The following FBXL18 variants were observed in gnomAD, a reference collection of about 807,000 sequenced individuals.
FBXL18 encodes the protein F-box and leucine rich repeat protein 18.
In FBXL18, 36 loss-of-function variants were observed where a neutral mutation model predicts 46.0. That is an observed-to-expected ratio of 0.78 (90% CI 0.60 to 1.03). FBXL18 has a LOEUF of 1.03. FBXL18 is among the 50% of genes least tolerant of loss of function. FBXL18 has a pLI of 0.00. For synonymous variants in FBXL18, 557 were observed against 465.3 expected, an observed-to-expected ratio of 1.20 and a Z score of -2.54; for missense variants, 977 against 1,004.1, an observed-to-expected ratio of 0.97 and a Z score of 0.36.
At position 5,501,705 on chromosome 7, in the gene FBXL18, C is replaced by T. The variant is rs1404291255; in HGVS notation, c.564G>A (p.Val188=). ...QTLFTPSYGV[V]PCCTSLEKLL... ...GCTTCTCTAGGCTGGTGCAGCAGGG[C>T]ACCACGCCGTAGGAGGGAGTGAACA... Residue 188 remains valine (V), a synonymous_variant, in exon 3 of 5, where the codon GTG becomes GTA. Coordinates refer to ENST00000382368, the MANE Select transcript of FBXL18 (RefSeq NM_024963.6). The T allele has an allele frequency of 8.1e-6, 13 of 1,595,154 alleles. No individual in the cohort carries two copies. Among genetic ancestry groups the T allele is most frequent in the Non-Finnish European group, 1.1e-5 (13 of 1,170,586 alleles).
chr7:5,495,523 C>T (rs1584224985), intron 3 of FBXL18, among the ~76,000 whole-genome samples: 1 of 152,184 alleles, frequency 6.6e-6, no homozygotes, highest in Non-Finnish European at 1.5e-5. Context: ...CCAGCCAGAG[C>T]GACTCCTTCC....
At chr7:5,499,915 T>C (rs1784186944) in intron 3 of FBXL18, among the ~76,000 whole-genome samples, 1 of 150,410 alleles carries the variant, frequency 6.6e-6, no homozygotes, top group South Asian at 2.1e-4. Flanking sequence ...AAAATATATA[T>C]ATAGCCAGGC....
At chr7:5,510,813 G>T (rs1394851174) in intron 1 of FBXL18, among the ~76,000 whole-genome samples, 1 of 152,072 alleles carries the variant, frequency 6.6e-6, no homozygotes, top group East Asian at 1.9e-4. Context: ...GGCAGCTGAG[G>T]CTTCCAGACA....
chr7:5,463,728 A>ATTTTTTTTTT lies in FBXL18; in HGVS notation c.2001-15895_2001-15886dup, dbSNP rs552002078. Among the ~76,000 whole-genome samples the ATTTTTTTTTT allele has an allele frequency of 5.8e-4, 31 of 53,006 alleles. 1 individual carries two copies. Among genetic ancestry groups the ATTTTTTTTTT allele is most frequent in the South Asian group, 1.5e-3 (2 of 1,350 alleles). The allele number at this position is 53,006 out of a possible 152,430, so 34.8% of individuals were successfully genotyped here. A position where few individuals can be genotyped will look rare whatever the true frequency, so the allele number is the denominator to read the frequency against. On this transcript the variant is annotated intron_variant and NMD_transcript_variant, in intron 4 of 6. Transcript: ENST00000415009. ...TATTTATTTATTTATTTATTTATTT[A>ATTTTTTTTTT]TTTTTTTTTTTTTTTTTTTTTTTTT...
chr7:5,462,360 T>C (rs1251746262), intron 4 of FBXL18, among the ~76,000 whole-genome samples: 1 of 152,242 alleles, frequency 6.6e-6, no homozygotes, highest in Non-Finnish European at 1.5e-5. Context: ...AGCCAGGCAT[T>C]ACCTACCCCA....
rs1478182080 is a variant in FBXL18, at chr7:5,479,775, G to A, written c.*2000C>T. 1 of 152,482 alleles carries A rather than the reference G, an allele frequency of 6.6e-6. No homozygotes were observed. Among genetic ancestry groups the A allele is most frequent in the African/African-American group, 2.4e-5 (1 of 41,472 alleles). 9.4% of individuals were successfully genotyped at this position (152,482 alleles called of 1,614,324 possible). A position where few individuals can be genotyped will look rare whatever the true frequency, so the allele number is the denominator to read the frequency against. On this transcript the variant is annotated 3_prime_UTR_variant, in exon 5 of 5. Coordinates refer to ENST00000382368, the MANE Select transcript of FBXL18 (RefSeq NM_024963.6). ...CGGGCACTGCTGGAATCAGCCTGCAGAAGGGTCCCTCTGGCCAGGAGGCAA... is the reference window on the plus strand; with the variant it reads ...CGGGCACTGCTGGAATCAGCCTGCAAAAGGGTCCCTCTGGCCAGGAGGCAA...
downstream of FBXL18, among the ~76,000 whole-genome samples, chr7:5,474,567 C>G (rs757941743): frequency 6.6e-6 from 1 of 151,972 alleles, no homozygotes. Flanking sequence ...GTTTCTGCCT[C>G]GATCTCCCAA....
chr7:5,469,066 G>A (rs1783388134), intron 4 of FBXL18, among the ~76,000 whole-genome samples: 1 of 152,162 alleles, frequency 6.6e-6, no homozygotes, highest in Admixed American at 6.6e-5. Flanking sequence ...TTGTGTGTGT[G>A]TCTGCATCTG....
intron 1 of FBXL18, among the ~76,000 whole-genome samples, chr7:5,508,422 A>C (rs866558937): frequency 4.0e-5 from 6 of 150,248 alleles, no homozygotes; most frequent in South Asian, 2.1e-4. Context: ...AGCCTGGGCA[A>C]CAGAGCGAGA....
Position 5,491,340 on chromosome 7 carries a change from C to T in FBXL18, c.1891G>A (p.Asp631Asn), listed in dbSNP as rs1351317989. ...LVSRSGTLQPDAVLAFMARCL... is the reference protein window; with the variant it reads ...LVSRSGTLQPNAVLAFMARCL... ...CGAGCCATGAAGGCCAGCACGGCAT[C>T]GGGCTGGAGGGTGCCGCTGCGAGAG... Residue 631 changes from aspartate to asparagine, a missense_variant, in exon 4 of 5, where the codon GAT becomes AAT. Transcript: ENST00000382368. 4.3e-6 allele frequency: 7 copies of T among 1,611,648 alleles called. No individual in the cohort carries two copies. The highest frequency in any genetic ancestry group is 2.2e-5 in the East Asian group (1 of 44,828).
At chr7:5,473,023 C>T (rs1422203050), downstream of FBXL18, among the ~76,000 whole-genome samples, 2 of 152,140 alleles carry the variant, frequency 1.3e-5, no homozygotes, top group Non-Finnish European at 2.9e-5. Context: ...CCTGCTGCAG[C>T]CATTGGCGTC....
chr7:5,471,220 T>G (rs1485370806), downstream of FBXL18, among the ~76,000 whole-genome samples: 1 of 152,100 alleles, frequency 6.6e-6, no homozygotes, highest in Non-Finnish European at 1.5e-5. Flanking sequence ...AGCCAAAGCC[T>G]CTCGAGCTGG....
In FBXL18 at chr7:5,477,326, C is replaced by G. The variant is rs936164243; in HGVS notation, c.*4449G>C. Among the ~76,000 whole-genome samples, 11 of 152,132 alleles carry G rather than the reference C, an allele frequency of 7.2e-5. No homozygotes were observed. Among genetic ancestry groups the G allele is most frequent in the Admixed American group, 2.6e-4 (4 of 15,270 alleles). On this transcript the variant is annotated 3_prime_UTR_variant, in exon 5 of 5. Coordinates refer to ENST00000382368, the MANE Select transcript of FBXL18 (RefSeq NM_024963.6). This position sits in a 1 kb window ranked among gnomAD's most constrained non-coding sequence, Gnocchi z 4.4. Reference sequence around the variant, plus strand: ...TCTGCCCACGTCCACAGGAAGTGGCCGACGTCTCCTCTGCCTTTGGTTTAG... The same window carrying G: ...TCTGCCCACGTCCACAGGAAGTGGCGGACGTCTCCTCTGCCTTTGGTTTAG...
chr7:5,502,600 G>A (rs1026220984), intron 2 of FBXL18, among the ~76,000 whole-genome samples: 3 of 151,810 alleles, frequency 2.0e-5, no homozygotes, highest in South Asian at 2.1e-4. Context: ...GGAGGCCAAC[G>A]AAGGCAGATC....
intron 4 of FBXL18, chr7:5,490,325 T>G (rs2128235475): frequency 9.0e-7 from 1 of 1,106,780 alleles, no homozygotes; most frequent in Non-Finnish European, 1.1e-6. Context: ...TCCTGAGAGG[T>G]CTTGAAATGC....
At chr7:5,484,331 C>T (rs756634278) in intron 4 of FBXL18, among the ~76,000 whole-genome samples, 2 of 151,924 alleles carry the variant, frequency 1.3e-5, no homozygotes, top group Non-Finnish European at 2.9e-5. Context: ...ATTAGCCGGG[C>T]GTGGTGGTGG....
chr7:5,512,937 A>T (rs1422992646), intron 1 of FBXL18, among the ~76,000 whole-genome samples: 3 of 152,110 alleles, frequency 2.0e-5, no homozygotes, highest in Non-Finnish European at 2.9e-5. Context: ...AAGCTCCTAA[A>T]TCTGCGAAGT....
At chr7:5,464,444 G>T (rs935733564) in intron 4 of FBXL18, among the ~76,000 whole-genome samples, 2 of 151,472 alleles carry the variant, frequency 1.3e-5, no homozygotes, top group Admixed American at 6.6e-5. Flanking sequence ...CACGCCACTG[G>T]ACTCCAGCCC....
chr7:5,462,643 A>C (rs1056943503), intron 4 of FBXL18, among the ~76,000 whole-genome samples: 1 of 151,918 alleles, frequency 6.6e-6, no homozygotes, highest in African/African-American at 2.4e-5. Flanking sequence ...CGCAAATGAC[A>C]TCTTAATAAC....
Sources: allele counts gnomAD v4.1 joint callset (sites outside exome capture counted in the v4.1 genomes callset), GRCh38; gene constraint gnomAD v4.1.1; non-coding constraint Gnocchi (gnomAD v3.1); transcripts MANE v1.5; gene names NCBI Gene and HGNC (gene_info 2026-07-23, HGNC 2026-07-21).